The following NFILZ variants were observed in gnomAD, a reference collection of about 807,000 sequenced individuals.
NFILZ encodes NFIL3 like protein.
At chr19:8,674,129 C>T (rs1047537322) in intron 3 of NFILZ, among the ~76,000 whole-genome samples, 13 of 152,138 alleles carry the variant, frequency 8.5e-5, no homozygotes, top group South Asian at 2.1e-4. Flanking sequence ...AATGAGCCAC[C>T]GCGCTTGGCC....
At chr19:8,649,597 CA>C (rs2146146080) in intron 3 of NFILZ, among the ~76,000 whole-genome samples, 1 of 152,046 alleles carries the variant, frequency 6.6e-6, no homozygotes, top group South Asian at 2.1e-4. Context: ...ATAATTTTTC[CA>C]TGAGCGCCTG....
intron 3 of NFILZ, among the ~76,000 whole-genome samples, chr19:8,664,180 T>C (rs1282802402): frequency 1.3e-5 from 2 of 152,242 alleles, no homozygotes; most frequent in Admixed American, 1.3e-4. Context: ...GAACTGAGTA[T>C]CTGTTATGTT....
intron 3 of NFILZ, among the ~76,000 whole-genome samples, chr19:8,655,496 A>G (rs2042988118): frequency 6.6e-6 from 1 of 152,174 alleles, no homozygotes; most frequent in Non-Finnish European, 1.5e-5. Flanking sequence ...CCTGGAGGGA[A>G]AGCCACAAGC....
At chr19:8,637,511 G>A (rs1555746217) in intron 3 of NFILZ, among the ~76,000 whole-genome samples, 2 of 151,780 alleles carry the variant, frequency 1.3e-5, no homozygotes, top group African/African-American at 4.8e-5. Flanking sequence ...TACTTGGGAG[G>A]CTGAGGCAGG....
intron 3 of NFILZ, among the ~76,000 whole-genome samples, chr19:8,656,480 C>CGAA (rs2043002551): frequency 6.8e-5 from 3 of 43,970 alleles, no homozygotes; most frequent in African/African-American, 2.7e-4. Flanking sequence ...CACCTTCTCC[C>CGAA]GCAGCCCACC....
chr19:8,656,637 C>T lies in NFILZ; in HGVS notation c.-163-17914C>T, dbSNP rs555660843. ...CCCGTACCTGGCCCTGCTCCCCACACAGCACAGCTGCCGCCGCCCAATGTT... is the reference window on the plus strand; with the variant it reads ...CCCGTACCTGGCCCTGCTCCCCACATAGCACAGCTGCCGCCGCCCAATGTT... On this transcript the variant is annotated intron_variant, in intron 3 of 5. Coordinates refer to ENST00000691075, the MANE Select transcript of NFILZ (RefSeq NM_001378600.1). 2.6e-5 allele frequency among the ~76,000 whole-genome samples: 4 copies of T among 152,298 alleles called. No individual in the cohort carries two copies. The East Asian group carries it at 5.8e-4, about 22-fold the overall frequency.
chr19:8,668,541 C>G (rs1555750025), intron 3 of NFILZ, among the ~76,000 whole-genome samples: 3 of 152,166 alleles, frequency 2.0e-5, no homozygotes, highest in African/African-American at 4.8e-5. Flanking sequence ...CTGATATTCT[C>G]TATTTCCTCA....
rs1293506375 is a variant in NFILZ, at chr19:8,679,191, G to A, written c.*1556G>A. On this transcript the variant is annotated 3_prime_UTR_variant, in exon 6 of 6. Coordinates refer to ENST00000691075, the MANE Select transcript of NFILZ (RefSeq NM_001378600.1). ...CCAGGTGGAAGGGTCCATTCTGCAG[G>A]GAAGGTCTTCCAGGGGCCTGGAGCC... Among the ~76,000 whole-genome samples the A allele has an allele frequency of 1.3e-5, 2 of 151,994 alleles. No homozygotes were observed. The highest frequency in any genetic ancestry group is 6.6e-5 in the Admixed American group (1 of 15,264).
chr19:8,661,746 G>T (rs1255812806), intron 3 of NFILZ, among the ~76,000 whole-genome samples: 2 of 152,062 alleles, frequency 1.3e-5, no homozygotes, highest in Non-Finnish European at 2.9e-5. Context: ...ACAAAAATTA[G>T]CCAGGCATGG....
intron 3 of NFILZ, among the ~76,000 whole-genome samples, chr19:8,656,288 A>G (rs1488942443): frequency 0.28 from 5,838 of 20,606 alleles, 926 homozygotes; most frequent in South Asian, 0.39. Flanking sequence ...CCTTCTCCCC[A>G]CAGCCCACCT....
chr19:8,657,112 G>A (rs963743576), intron 3 of NFILZ, among the ~76,000 whole-genome samples: 1 of 151,932 alleles, frequency 6.6e-6, no homozygotes. Context: ...GGCGGTTTTC[G>A]CTCCGGTGGG....
chr19:8,668,247 G>A (rs762098359), intron 3 of NFILZ, among the ~76,000 whole-genome samples: 10 of 144,020 alleles, frequency 6.9e-5, no homozygotes, highest in Admixed American at 3.5e-4. Context: ...GACTGTGCCC[G>A]GCATATACAT....
In NFILZ at chr19:8,680,168, C is replaced by T. The variant is rs1364305545; in HGVS notation, c.*2533C>T. Among the ~76,000 whole-genome samples, 1 of 144,022 alleles carries T rather than the reference C, an allele frequency of 6.9e-6. No homozygotes were observed. Among genetic ancestry groups the T allele is most frequent in the Non-Finnish European group, 1.5e-5 (1 of 67,014 alleles). 94.5% of individuals were successfully genotyped at this position (144,022 alleles called of 152,430 possible). On this transcript the variant is annotated 3_prime_UTR_variant, in exon 6 of 6. Transcript: ENST00000691075. ...CTGAGATTGCACCACTGCAGTCCAG[C>T]CTGGGCGACAGAGCGAGACTCCATC...
intron 3 of NFILZ, among the ~76,000 whole-genome samples, chr19:8,654,609 C>A (rs1009202524): frequency 1.3e-5 from 2 of 151,706 alleles, no homozygotes; most frequent in African/African-American, 4.8e-5. Context: ...AGAAAGCGAG[C>A]CTTGCCTCAA....
At chr19:8,644,045 C>T (rs535958111) in intron 3 of NFILZ, among the ~76,000 whole-genome samples, 10 of 152,222 alleles carry the variant, frequency 6.6e-5, no homozygotes, top group East Asian at 1.9e-4. Context: ...CCCAAATGCA[C>T]GTATTGAAGC....
intron 3 of NFILZ, among the ~76,000 whole-genome samples, chr19:8,671,965 G>T (rs1175041958): frequency 2.0e-5 from 3 of 152,236 alleles, no homozygotes; most frequent in Non-Finnish European, 2.9e-5. Flanking sequence ...CCAGCCCTTT[G>T]TGGGGAGAGA....
chr19:8,669,916 G>A (rs1276353997), intron 3 of NFILZ, among the ~76,000 whole-genome samples: 1 of 152,190 alleles, frequency 6.6e-6, no homozygotes, highest in Non-Finnish European at 1.5e-5. Context: ...GCTGTTGTGG[G>A]AATAGGGAAA....
Position 8,678,099 on chromosome 19 carries a change from A to ATCTGTTCT in NFILZ, c.*466_*467insTGTTCTTC, listed in dbSNP as rs2043123652. Reference sequence around the variant, plus strand: ...ATCAATCCATCCATCCATTCCATCCATCCATCCATCCATCCATCCATCCAT... The same window carrying ATCTGTTCT: ...ATCAATCCATCCATCCATTCCATCCATCTGTTCTTCCATCCATCCATCCATCCATCCAT... On this transcript the variant is annotated 3_prime_UTR_variant, in exon 6 of 6. Coordinates refer to ENST00000691075, the MANE Select transcript of NFILZ (RefSeq NM_001378600.1). Among the ~76,000 whole-genome samples, 6 of 128,846 alleles carry ATCTGTTCT rather than the reference A, an allele frequency of 4.7e-5. No individual in the cohort carries two copies. Among genetic ancestry groups the ATCTGTTCT allele is most frequent in the African/African-American group, 1.9e-4 (6 of 30,940 alleles). 84.5% of individuals were successfully genotyped at this position (128,846 alleles called of 152,430 possible).
intron 3 of NFILZ, among the ~76,000 whole-genome samples, chr19:8,657,002 G>A (rs1361998183): frequency 1.3e-5 from 2 of 151,932 alleles, no homozygotes; most frequent in Admixed American, 1.3e-4. Flanking sequence ...CTATTGAGGG[G>A]ATCCAGTTGT....
Sources: gnomAD v4.1 joint callset for allele counts (sites outside exome capture counted in the v4.1 genomes callset) on GRCh38, gnomAD v4.1.1 for gene constraint, MANE v1.5 for transcripts, NCBI Gene and HGNC (gene_info 2026-07-23, HGNC 2026-07-21) for gene names.